IARS1: variants seen among roughly 807,000 people sequenced by gnomAD.
IARS1 encodes isoleucyl-tRNA synthetase 1, also known as isoleucine--tRNA ligase, cytoplasmic.
In IARS1, 124 loss-of-function variants were observed where a neutral mutation model predicts 168.2. The ratio of observed to expected loss-of-function variants is 0.74; its 90% CI spans 0.64 to 0.86. The LOEUF (loss-of-function observed/expected upper bound fraction) is 0.86. IARS1 is among the 40% of genes least tolerant of loss of function. The probability of loss-of-function intolerance (pLI) is 0.00; values close to 1 mark genes in which losing one functional copy is unlikely to be tolerated. For synonymous variants in IARS1, 532 were observed against 529.4 expected (o/e 1.00, Z -0.07); for missense variants, 1,452 against 1,515.8 (o/e 0.96, Z 0.70).
intron 33 of IARS1, among the ~76,000 whole-genome samples, chr9:92,215,680 A>AGATGAAATG (rs1268754339): frequency 4.6e-5 from 7 of 152,114 alleles, no homozygotes; most frequent in African/African-American, 1.2e-4. Flanking sequence ...CAGCGATGGA[A>AGATGAAATG]GATGAAATGA....
chr9:92,274,765 A>G (rs974942872), intron 9 of IARS1, among the ~76,000 whole-genome samples: 2 of 152,208 alleles, frequency 1.3e-5, no homozygotes, highest in African/African-American at 4.8e-5. Flanking sequence ...AAAAATTTCT[A>G]ATTTCCTTGG....
rs367941334 is a variant in IARS1, at chr9:92,244,949, A to C, written c.2904+10T>G. 9 of 1,608,902 alleles carry C rather than the reference A, an allele frequency of 5.6e-6. No individual in the cohort carries two copies. The highest frequency in any genetic ancestry group is 1.3e-5 in the African/African-American group (1 of 74,816). The stretch of plus-strand genomic sequence containing the variant: ...TTGGTAAAGAAATGTTCTAGGAAAC[A>C]GAAAAATACCTGAGCATCTGAGTGT... On this transcript the variant is annotated intron_variant, in intron 27 of 33. Coordinates refer to ENST00000443024, the MANE Select transcript of IARS1 (RefSeq NM_002161.6).
chr9:92,253,095 C>A (rs1830245150), intron 21 of IARS1, among the ~76,000 whole-genome samples: 1 of 152,058 alleles, frequency 6.6e-6, no homozygotes, highest in African/African-American at 2.4e-5. Context: ...TCAGTGTAGT[C>A]CTGTTTGTGC....
intron 33 of IARS1, among the ~76,000 whole-genome samples, chr9:92,215,891 G>T (rs1267983944): frequency 2.0e-5 from 3 of 151,990 alleles, no homozygotes; most frequent in African/African-American, 7.3e-5. Flanking sequence ...AGCGAGGCAG[G>T]CCAACGTTCA....
At chr9:92,244,378 A>G (rs1205336619) in intron 27 of IARS1, among the ~76,000 whole-genome samples, 2 of 152,120 alleles carry the variant, frequency 1.3e-5, no homozygotes, top group African/African-American at 2.4e-5. Flanking sequence ...TCCCCTGCAC[A>G]TGGTATGCTA....
intron 20 of IARS1, 56 bp downstream of exon 20, chr9:92,256,624 G>A (rs192947126): frequency 1.3e-6 from 2 of 1,494,208 alleles, no homozygotes; most frequent in Admixed American, 2.0e-5. Flanking sequence ...TATCAAAAGG[G>A]CAGTTACAAA....
At chr9:92,250,098 T>C in intron 24 of IARS1, 89 bp downstream of exon 24, 1 of 944,832 alleles carries the variant, frequency 1.1e-6, no homozygotes, top group Non-Finnish European at 1.7e-6. Flanking sequence ...AAAAAGGCCA[T>C]TGGTGGAAGC....
At chr9:92,290,318 T>A (rs1836116026) in intron 1 of IARS1, among the ~76,000 whole-genome samples, 1 of 152,218 alleles carries the variant, frequency 6.6e-6, no homozygotes, top group Non-Finnish European at 1.5e-5. Context: ...GCTGAGCATC[T>A]TTCCACATGC....
intron 14 of IARS1, among the ~76,000 whole-genome samples, chr9:92,267,894 C>A (rs762292066): frequency 2.6e-5 from 4 of 151,020 alleles, no homozygotes; most frequent in Non-Finnish European, 4.4e-5. Context: ...GGGAAACACA[C>A]AAAAAAAACA....
At chr9:92,283,562 T>C (rs765109021) in intron 6 of IARS1, among the ~76,000 whole-genome samples, 1 of 152,170 alleles carries the variant, frequency 6.6e-6, no homozygotes, top group Non-Finnish European at 1.5e-5. Context: ...GAGAATTGCT[T>C]GAACCTGGGA....
intron 33 of IARS1, among the ~76,000 whole-genome samples, chr9:92,215,408 C>G (rs966908717): frequency 1.3e-5 from 2 of 152,218 alleles, no homozygotes; most frequent in African/African-American, 4.8e-5. Flanking sequence ...AGCAACGGAA[C>G]AAAGCTGGAT....
chr9:92,252,764 CAAAAAAAAAAAAAAAAAAA>C (rs34983021), intron 21 of IARS1, among the ~76,000 whole-genome samples: 2 of 27,222 alleles, frequency 7.3e-5, no homozygotes, highest in African/African-American at 1.5e-4. Context: ...AACTCCTTCT[CAAAAAAAAAAAAAAAAAAA>C]AAAAAAAAAA....
intron 33 of IARS1, among the ~76,000 whole-genome samples, chr9:92,213,170 C>A (rs1838050587): frequency 6.6e-6 from 1 of 151,894 alleles, no homozygotes; most frequent in African/African-American, 2.4e-5. Flanking sequence ...GAGAATTACA[C>A]AGAGGCCAAA....
At chr9:92,279,120 A>G (rs1247963772) in intron 7 of IARS1, among the ~76,000 whole-genome samples, 2 of 152,206 alleles carry the variant, frequency 1.3e-5, no homozygotes, top group Admixed American at 6.5e-5. Context: ...ACTAGAGCCT[A>G]TGTCATATAT....
intron 30 of IARS1, 122 bp from the exon 31 acceptor site, chr9:92,229,248 A>G: frequency 1.2e-6 from 1 of 805,104 alleles, no homozygotes. Flanking sequence ...TCCCCCAACT[A>G]TACACTATAT....
At chr9:92,220,003 G>T (rs1303974443) in intron 33 of IARS1, among the ~76,000 whole-genome samples, 26 of 147,908 alleles carry the variant, frequency 1.8e-4, no homozygotes, top group African/African-American at 6.5e-4. Flanking sequence ...CAATAGCAAA[G>T]ACTTGGAACC....
chr9:92,250,748 T>G lies in IARS1; in HGVS notation c.2394A>C (p.Thr798=), dbSNP rs1443546204. 2 of 1,613,168 alleles carry G rather than the reference T, an allele frequency of 1.2e-6. No individual in the cohort carries two copies. The highest frequency in any genetic ancestry group is 2.2e-5 in the East Asian group (1 of 44,870). ...IDPVSVQDKD[T]LSIHYLMLPR... is the part of the protein sequence containing the mutation. The stretch of plus-strand genomic sequence containing the variant: ...GCAGCATGAGGTAGTGAATGCTGAG[T>G]GTGTCCTTGTCCTGAACAGAAACAG... The change falls in exon 23 of 34, where the codon ACA becomes ACC. Residue 798 remains threonine, a synonymous_variant. Coordinates refer to ENST00000443024, the MANE Select transcript of IARS1 (RefSeq NM_002161.6).
At chr9:92,253,820 CA>C in intron 20 of IARS1, 1 of 491,638 alleles carries the variant, frequency 2.0e-6, no homozygotes, top group Non-Finnish European at 4.0e-6. Context: ...CAACAATGCC[CA>C]ACTTCTTTCC....
intron 21 of IARS1, among the ~76,000 whole-genome samples, chr9:92,253,000 GTACCCCT>G (rs1830234476): frequency 6.6e-6 from 1 of 151,950 alleles, no homozygotes; most frequent in African/African-American, 2.4e-5. Flanking sequence ...GTAGAAGGAA[GTACCCCT>G]CTCAATATTA....
Sources: gnomAD v4.1 joint callset for allele counts (sites outside exome capture counted in the v4.1 genomes callset) on GRCh38, gnomAD v4.1.1 for gene constraint, MANE v1.5 for transcripts, NCBI Gene and HGNC (gene_info 2026-07-23, HGNC 2026-07-21) for gene names.